Variants in KCNH1 observed in about 807,000 individuals in gnomAD.
The protein encoded by KCNH1 is potassium voltage-gated channel subfamily H member 1, also known as voltage-gated delayed rectifier potassium channel KCNH1.
In KCNH1, 27 loss-of-function variants were observed where a neutral mutation model predicts 69.2. That is an observed-to-expected ratio of 0.39 (90% confidence interval 0.29 to 0.54). KCNH1 has a LOEUF of 0.54. KCNH1 is among the 20% of genes least tolerant of loss of function. The pLI is 0.68. For synonymous variants in KCNH1, 456 were observed against 487.7 expected (o/e 0.93, Z 0.86); for missense variants, 798 against 1,261.6 (o/e 0.63, Z 5.57).
intron 9 of KCNH1, among the ~76,000 whole-genome samples, chr1:210,791,315 C>A (rs570942847): frequency 6.6e-6 from 1 of 152,292 alleles, no homozygotes; most frequent in African/African-American, 2.4e-5. Context: ...GTGCAGTCCT[C>A]CAACCACATG....
At chr1:211,068,883 G>A (rs1485948304) in intron 5 of KCNH1, among the ~76,000 whole-genome samples, 2 of 152,214 alleles carry the variant, frequency 1.3e-5, no homozygotes, top group Admixed American at 6.5e-5. Context: ...GCTGTAGGCT[G>A]TGTGGACAAG....
At chr1:210,801,124 GA>G (rs1260089756) in intron 8 of KCNH1, among the ~76,000 whole-genome samples, 1 of 152,198 alleles carries the variant, frequency 6.6e-6, no homozygotes, top group Non-Finnish European at 1.5e-5. Flanking sequence ...TTGAAGTCCA[GA>G]AGGTCATAGC....
chr1:211,023,120 A>AAATG (rs1689617715), intron 5 of KCNH1, among the ~76,000 whole-genome samples: 1 of 131,910 alleles, frequency 7.6e-6, no homozygotes, highest in Non-Finnish European at 1.6e-5. Context: ...CAGAAAAAAT[A>AAATG]AATAAATAAA....
intron 1 of KCNH1, among the ~76,000 whole-genome samples, chr1:211,114,264 C>G (rs1691527170): frequency 6.6e-6 from 1 of 152,106 alleles, no homozygotes; most frequent in African/African-American, 2.4e-5. Flanking sequence ...ACCCCACACA[C>G]CATCTTAGAA....
intron 10 of KCNH1, among the ~76,000 whole-genome samples, chr1:210,741,598 C>A (rs1463226907): frequency 6.6e-6 from 1 of 152,284 alleles, no homozygotes; most frequent in Admixed American, 6.5e-5. Context: ...TCTACCCAAG[C>A]AACACTGCAA....
At chr1:210,900,864 A>C (rs1390104258) in intron 7 of KCNH1, among the ~76,000 whole-genome samples, 1 of 152,142 alleles carries the variant, frequency 6.6e-6, no homozygotes, top group Non-Finnish European at 1.5e-5. Flanking sequence ...CTAGCCAGAC[A>C]AAAAGAAGCC....
intron 10 of KCNH1, among the ~76,000 whole-genome samples, chr1:210,768,872 G>A (rs1683694236): frequency 6.6e-6 from 1 of 152,014 alleles, no homozygotes; most frequent in Admixed American, 6.5e-5. Context: ...GAACACCTGA[G>A]GACCCATGAA....
chr1:211,112,127 G>A (rs922215144), intron 1 of KCNH1, among the ~76,000 whole-genome samples: 11 of 108,268 alleles, frequency 1.0e-4, no homozygotes, highest in Admixed American at 2.0e-4. Flanking sequence ...CCACCTCACC[G>A]TCTGGGAAGT....
Position 210,698,153 on chromosome 1 carries a change from C to A in KCNH1, c.2113-14015G>T, listed in dbSNP as rs553174337. On this transcript the variant is annotated intron_variant, in intron 10 of 10. Coordinates refer to ENST00000271751, the MANE Select transcript of KCNH1 (RefSeq NM_172362.3). The stretch of plus-strand genomic sequence containing the variant: ...CTAAAGGTTGAAAGCAGTTAAGGAT[C>A]TGGACAGTTTAGCTTTCCCATTCCA... Among the ~76,000 whole-genome samples, 12 of 152,298 alleles carry A rather than the reference C, an allele frequency of 7.9e-5. No individual in the cohort carries two copies. In the East Asian group the frequency reaches 2.3e-3, roughly 29 times the overall value.
At chr1:210,836,941 C>T (rs564568973) in intron 7 of KCNH1, among the ~76,000 whole-genome samples, 1 of 152,292 alleles carries the variant, frequency 6.6e-6, no homozygotes, top group Admixed American at 6.5e-5. Context: ...TCCCTGCTTA[C>T]TTCATCTATT....
intron 6 of KCNH1, among the ~76,000 whole-genome samples, chr1:210,977,133 T>C (rs1294869278): frequency 6.6e-6 from 1 of 152,210 alleles, no homozygotes; most frequent in Non-Finnish European, 1.5e-5. Context: ...GATGAGTTCA[T>C]GTCCTTTGTA....
chr1:210,709,863 C>T (rs898660839), intron 10 of KCNH1, among the ~76,000 whole-genome samples: 4 of 152,122 alleles, frequency 2.6e-5, no homozygotes, highest in Non-Finnish European at 5.9e-5. Flanking sequence ...TCGTCTGTAC[C>T]GTTGAGTCTT....
intron 9 of KCNH1, among the ~76,000 whole-genome samples, chr1:210,790,061 A>G (rs1412199402): frequency 6.6e-6 from 1 of 152,242 alleles, no homozygotes. Flanking sequence ...AGCTGGGGCC[A>G]TGGGCAGAAG....
intron 10 of KCNH1, among the ~76,000 whole-genome samples, chr1:210,752,611 G>A (rs898992679): frequency 6.6e-6 from 1 of 152,102 alleles, no homozygotes; most frequent in African/African-American, 2.4e-5. Flanking sequence ...CTGGCTTCAA[G>A]GTACTCAAGG....
At position 210,998,332 on chromosome 1, in the gene KCNH1, G is replaced by A. The variant is rs188122399; in HGVS notation, c.1032+20451C>T. Reference sequence around the variant, plus strand: ...ATGGAGGAAGATCTACCAAGAAAACGGAGAACAAAAAAAGGCAGGGGTTGC... The same window carrying A: ...ATGGAGGAAGATCTACCAAGAAAACAGAGAACAAAAAAAGGCAGGGGTTGC... On this transcript the variant is annotated intron_variant, in intron 6 of 10. Transcript: ENST00000271751. 1.6e-3 allele frequency among the ~76,000 whole-genome samples: 246 copies of A among 152,020 alleles called. 1 individual carries two copies. The highest frequency in any genetic ancestry group is 5.1e-3 in the African/African-American group (212 of 41,482).
At position 210,684,067 on chromosome 1, in the gene KCNH1, G is replaced by A; in HGVS notation, c.2184C>T (p.Pro728=). ...EERMKRKNEA[P]LILPPDHPVR... Reference sequence around the variant, plus strand: ...CAGGGTGGTCCGGGGGCAAGATCAGGGGGGCCTCATTCTTTCGTTTCATGC... The same window carrying A: ...CAGGGTGGTCCGGGGGCAAGATCAGAGGGGCCTCATTCTTTCGTTTCATGC... Residue 728 remains proline (P), a synonymous_variant, in exon 11 of 11, where the codon CCC becomes CCT. Coordinates refer to ENST00000271751, the MANE Select transcript of KCNH1 (RefSeq NM_172362.3). The A allele has an allele frequency of 6.6e-7, 1 of 1,525,628 alleles. No individual in the cohort carries two copies. Among genetic ancestry groups the A allele is most frequent in the Non-Finnish European group, 8.8e-7 (1 of 1,136,824 alleles). 94.5% of individuals were successfully genotyped at this position (1,525,628 alleles called of 1,614,324 possible).
chr1:210,840,334 T>C (rs978189599), intron 7 of KCNH1, among the ~76,000 whole-genome samples: 6 of 152,282 alleles, frequency 3.9e-5, no homozygotes, highest in African/African-American at 1.4e-4. Flanking sequence ...GTTCTCCTGA[T>C]TGCTTTCAGT....
At chr1:211,074,551 G>C (rs1432293451) in intron 5 of KCNH1, among the ~76,000 whole-genome samples, 1 of 152,058 alleles carries the variant, frequency 6.6e-6, no homozygotes, top group Non-Finnish European at 1.5e-5. Context: ...ATTAAATATG[G>C]ATTATAAAAA....
intron 5 of KCNH1, among the ~76,000 whole-genome samples, chr1:211,020,774 C>T (rs1044865535): frequency 4.7e-5 from 7 of 150,284 alleles, no homozygotes; most frequent in African/African-American, 1.7e-4. Flanking sequence ...AACAGAACAT[C>T]AAAAAAAAGG....
Sources: gnomAD v4.1 joint callset for allele counts (sites outside exome capture counted in the v4.1 genomes callset) on GRCh38, gnomAD v4.1.1 for gene constraint, MANE v1.5 for transcripts, NCBI Gene and HGNC (gene_info 2026-07-23, HGNC 2026-07-21) for gene names.